The following ACP1 variants were observed in gnomAD, a reference collection of about 807,000 sequenced individuals.
The protein encoded by ACP1 is acid phosphatase 1.
In ACP1, 23 loss-of-function variants were observed where a neutral mutation model predicts 23.4. The observed-to-expected ratio is 0.98, with a 90% CI of 0.71 to 1.39. The LOEUF (loss-of-function observed/expected upper bound fraction) is 1.39, where lower values mean the gene tolerates loss of function less well. Ranked by LOEUF, ACP1 falls within the 40% of genes most tolerant of loss-of-function variation. The pLI, the probability that ACP1 is intolerant of heterozygous loss-of-function variation, is 0.00. For synonymous variants in ACP1, 72 were observed against 67.2 expected (o/e 1.07, Z -0.35); for missense variants, 180 against 197.7 (o/e 0.91, Z 0.54).
At chr2:274,856 A>C (rs1202367064) in intron 3 of ACP1, 3 of 231,388 alleles carry the variant, frequency 1.3e-5, no homozygotes, top group African/African-American at 2.2e-5. Context: ...TGTATTATAC[A>C]CTGCTACTAA....
intron 3 of ACP1, 185 bp from the exon 4 acceptor site, chr2:274,955 G>T: frequency 2.6e-6 from 1 of 380,872 alleles, no homozygotes; most frequent in East Asian, 3.6e-5. Context: ...AAATTTCTTT[G>T]CAGTACAATT....
chr2:272,148 C>A lies in ACP1; in HGVS notation c.229C>A (p.Gln77Lys), dbSNP rs775358152. Residue 77 changes from glutamine (Q) to lysine (K), a missense_variant and splice_region_variant, in exon 3 of 6, where the codon CAG becomes AAG. Gln to Lys is a moderately conservative substitution (Grantham distance 53). Transcript: ENST00000272065. ...HGIPMSHVARQITKEDFATFD... is the reference protein window; with the variant it reads ...HGIPMSHVARKITKEDFATFD... ...CATTCCCATGAGCCACGTTGCCCGG[C>A]AGGTACCGTCCTTGGACTTGAAGTT... The A allele has an allele frequency of 1.2e-6, 2 of 1,614,206 alleles. No homozygotes were observed. The highest frequency in any genetic ancestry group is 2.2e-5 in the East Asian group (1 of 44,876).
chr2:274,619 C>A (rs762886467), intron 3 of ACP1: 1 of 152,338 alleles, frequency 6.6e-6, no homozygotes, highest in South Asian at 2.1e-4. Context: ...TTTTACTCCT[C>A]CCTGCCCCAA....
At chr2:269,775 T>G (rs1669981676) in intron 1 of ACP1, among the ~76,000 whole-genome samples, 1 of 152,184 alleles carries the variant, frequency 6.6e-6, no homozygotes, top group African/African-American at 2.4e-5. Context: ...AAGACAGCAT[T>G]TCAGAGGGGC....
chr2:271,458 C>T (rs1398126751), intron 1 of ACP1, among the ~76,000 whole-genome samples: 1 of 152,148 alleles, frequency 6.6e-6, no homozygotes, highest in Non-Finnish European at 1.5e-5. Context: ...GAACCAGCTC[C>T]TGAGTCTACT....
chr2:273,793 A>G (rs1670105289), intron 3 of ACP1, among the ~76,000 whole-genome samples: 1 of 152,184 alleles, frequency 6.6e-6, no homozygotes, highest in Admixed American at 6.5e-5. Context: ...TTTATGAAAA[A>G]TTTACAATTA....
chr2:272,211 C>T (rs771058423), intron 3 of ACP1, 61 bp downstream of exon 3: 2 of 1,614,052 alleles, frequency 1.2e-6, no homozygotes, highest in Non-Finnish European at 8.5e-7. Context: ...GACAGCGGTG[C>T]TGTTTCTGAC....
At chr2:269,719 G>T (rs990018246) in intron 1 of ACP1, among the ~76,000 whole-genome samples, 1 of 152,172 alleles carries the variant, frequency 6.6e-6, no homozygotes, top group Admixed American at 6.5e-5. Context: ...TGCAAAGCAA[G>T]CCATAAAACC....
chr2:275,264 T>A, intron 4 of ACP1, 63 bp downstream of exon 4: 1 of 891,820 alleles, frequency 1.1e-6, no homozygotes, highest in African/African-American at 1.6e-5. Context: ...CCAAGTAATT[T>A]GTTGTCCAGA....
chr2:265,169 C>T (rs1258698637), intron 1 of ACP1, 162 bp downstream of exon 1: 1 of 727,812 alleles, frequency 1.4e-6, no homozygotes. Flanking sequence ...GCCCCTGTTC[C>T]CCATCCGCCC....
rs1670203579 is a variant in ACP1 at position 277,374 on chromosome 2, T to C, written c.*70T>C. 2.1e-6 allele frequency: 3 copies of C among 1,402,728 alleles called. No homozygotes were observed. Among genetic ancestry groups the C allele is most frequent in the Non-Finnish European group, 3.0e-6 (3 of 988,818 alleles). The allele number at this position is 1,402,728 out of a possible 1,614,324, so 86.9% of individuals were successfully genotyped here. A position where few individuals can be genotyped will look rare whatever the true frequency, so the allele number is the denominator to read the frequency against. On this transcript the variant is annotated 3_prime_UTR_variant, in exon 6 of 6. Coordinates refer to ENST00000272065, the MANE Select transcript of ACP1 (RefSeq NM_004300.4). ...CTGAGGTCCTGCATTTCTCAGTCGG[T>C]GTGTAATCACGTTCCAGGGCCCAAA...
In ACP1 at chr2:264,962, A is replaced by T; in HGVS notation, c.-3A>T. The T allele has an allele frequency of 3.7e-6, 6 of 1,612,286 alleles. No homozygotes were observed. The highest frequency in any genetic ancestry group is 5.1e-6 in the Non-Finnish European group (6 of 1,179,216). On this transcript the variant is annotated 5_prime_UTR_variant, in exon 1 of 6. Coordinates refer to ENST00000272065, the MANE Select transcript of ACP1 (RefSeq NM_004300.4). ...GTGTCTCGGCGCCTCTGCGCGCGGG[A>T]AGATGGCGGAACAGGCTACCAAGTC...
At chr2:270,591 T>A (rs1227045255) in intron 1 of ACP1, among the ~76,000 whole-genome samples, 3 of 152,154 alleles carry the variant, frequency 2.0e-5, no homozygotes, top group Admixed American at 2.0e-4. Flanking sequence ...ATTTTCCCAC[T>A]TTTATTATAA....
intron 3 of ACP1, chr2:273,179 G>C (rs1670092037): frequency 6.5e-6 from 1 of 152,966 alleles, no homozygotes; most frequent in Non-Finnish European, 1.5e-5. Flanking sequence ...ACAGAGGAGA[G>C]AGAGAGAGAG....
chr2:272,045 A>G lies in ACP1; in HGVS notation c.126A>G (p.Val42=), dbSNP rs1182522537. The change falls in exon 3 of 6, where the codon GTA becomes GTG. Residue 42 remains valine, a synonymous_variant. Coordinates refer to ENST00000272065, the MANE Select transcript of ACP1 (RefSeq NM_004300.4). Reference sequence around the variant, plus strand: ...TGTTTCTTCCCCTGCAGTGGAGGGTAGACAGCGCGGCAACTTCCGGGTATG... The same window carrying G: ...TGTTTCTTCCCCTGCAGTGGAGGGTGGACAGCGCGGCAACTTCCGGGTATG... ...TDQNISENWR[V]DSAATSGYEI... 1 of 1,613,860 alleles carries G rather than the reference A, an allele frequency of 6.2e-7. No individual in the cohort carries two copies. The highest frequency in any genetic ancestry group is 1.1e-5 in the South Asian group (1 of 91,084).
At chr2:272,323 CAATTTCT>C (rs760801261) in intron 3 of ACP1, 173 bp downstream of exon 3, 5 of 1,605,242 alleles carry the variant, frequency 3.1e-6, no homozygotes. Flanking sequence ...AGCTCTTGTT[CAATTTCT>C]AATATATAGA....
rs959819770 is a variant in ACP1 at position 265,084 on chromosome 2, C to T, written c.43+77C>T. 3.2e-6 allele frequency: 5 copies of T among 1,579,170 alleles called. No homozygotes were observed. The African/African-American group carries it at 4.1e-5, about 13-fold the overall frequency. ...CGGGCTTGTGCGCTGTAGGTTGTGCCGCCGGCCTAGGAACCATGAGGGGGA... is the reference window on the plus strand; with the variant it reads ...CGGGCTTGTGCGCTGTAGGTTGTGCTGCCGGCCTAGGAACCATGAGGGGGA... On this transcript the variant is annotated intron_variant, in intron 1 of 5. Coordinates refer to ENST00000272065, the MANE Select transcript of ACP1 (RefSeq NM_004300.4).
chr2:268,331 A>T (rs1174342859), intron 1 of ACP1, among the ~76,000 whole-genome samples: 4 of 152,236 alleles, frequency 2.6e-5, no homozygotes, highest in African/African-American at 9.6e-5. Flanking sequence ...CATTCAAAGC[A>T]TTTGTTTGGA....
intron 1 of ACP1, chr2:269,341 G>GA (rs1346995676): frequency 6.4e-6 from 3 of 470,296 alleles, no homozygotes; most frequent in Non-Finnish European, 1.3e-5. Context: ...GTCTCTGTGG[G>GA]AAAAAAGTAC....
Sources: gnomAD v4.1 joint callset for allele counts (sites outside exome capture counted in the v4.1 genomes callset) on GRCh38, gnomAD v4.1.1 for gene constraint, MANE v1.5 for transcripts, NCBI Gene and HGNC (gene_info 2026-07-23, HGNC 2026-07-21) for gene names.